Variants in SUGCT observed in about 807,000 individuals in gnomAD.
SUGCT encodes succinyl-CoA:glutarate-CoA transferase, also known as succinyl-CoA:glutarate CoA-transferase.
Under a neutral mutation model 55.0 loss-of-function variants are expected in SUGCT, and 41 were observed. The ratio of observed to expected loss-of-function variants is 0.74; its 90% CI spans 0.58 to 0.97. The LOEUF is 0.97. Ranked by LOEUF, SUGCT falls within the 50% of genes least tolerant of loss-of-function variation. The probability of loss-of-function intolerance (pLI) is 0.00; values close to 1 mark genes in which losing one functional copy is unlikely to be tolerated. For missense variants in SUGCT, 568 were observed against 547.8 expected, an observed-to-expected ratio of 1.04 and a Z score of -0.37; for synonymous variants, 187 against 200.4, an observed-to-expected ratio of 0.93 and a Z score of 0.56.
In SUGCT at chr7:40,815,176, T is replaced by G. The variant is rs545459951; in HGVS notation, c.1154-45140T>G. On this transcript the variant is annotated intron_variant, in intron 13 of 13. Transcript: ENST00000335693. ...GGTCTGAGCTCCCTCCTCAGCCCTGTGGGGTTGGGGGCCAAGATGGGCAGG... is the reference window on the plus strand; with the variant it reads ...GGTCTGAGCTCCCTCCTCAGCCCTGGGGGGTTGGGGGCCAAGATGGGCAGG... 3.2e-4 allele frequency among the ~76,000 whole-genome samples: 48 copies of G among 152,172 alleles called. 1 individual carries two copies. Among genetic ancestry groups the G allele is most frequent in the Admixed American group, 9.2e-4 (14 of 15,278 alleles).
At chr7:40,226,802 C>T (rs1294373624) in intron 6 of SUGCT, among the ~76,000 whole-genome samples, 1 of 151,854 alleles carries the variant, frequency 6.6e-6, no homozygotes, top group Non-Finnish European at 1.5e-5. Flanking sequence ...ATGAAATTTG[C>T]ATATCACTTA....
the SUGCT span, among the ~76,000 whole-genome samples, chr7:41,028,250 AC>A: frequency 6.6e-6 from 1 of 152,222 alleles, no homozygotes; most frequent in Non-Finnish European, 1.5e-5. Context: ...TGAAGTTGAG[AC>A]CCTGGATATG....
At chr7:40,636,505 T>G (rs73310225) in intron 12 of SUGCT, among the ~76,000 whole-genome samples, 11,497 of 152,228 alleles carry the variant, frequency 0.076, 477 homozygotes, top group Middle Eastern at 0.11. Context: ...AGGGAAACTC[T>G]TTGATGTAAA....
chr7:40,894,792 T>A, the SUGCT span, among the ~76,000 whole-genome samples: 57 of 152,166 alleles, frequency 3.7e-4, no homozygotes, highest in Non-Finnish European at 5.4e-4. Flanking sequence ...ATGGCTATTA[T>A]TAAAAAAGTC....
chr7:40,506,364 A>T (rs2151541323), intron 12 of SUGCT, among the ~76,000 whole-genome samples: 1 of 152,226 alleles, frequency 6.6e-6, no homozygotes, highest in South Asian at 2.1e-4. Flanking sequence ...GTAATGTGGT[A>T]ATCTTACTAG....
At chr7:40,967,786 A>G in the SUGCT span, among the ~76,000 whole-genome samples, 6 of 148,422 alleles carry the variant, frequency 4.0e-5, no homozygotes, top group Admixed American at 3.3e-4. Context: ...ACGCCCAGCT[A>G]ATTTTTTTTG....
At position 40,658,077 on chromosome 7, in the gene SUGCT, C is replaced by A. The variant is rs143535295; in HGVS notation, c.1090-91357C>A. ...CAACTTAGGTGAAAGGGAATTAAAA[C>A]AACCAAAGCCTCTAATGACAGTGAA... On this transcript the variant is annotated intron_variant, in intron 12 of 13. Coordinates refer to ENST00000335693, the MANE Select transcript of SUGCT (RefSeq NM_001193313.2). 5.3e-3 allele frequency among the ~76,000 whole-genome samples: 814 copies of A among 152,250 alleles called. 9 individuals are homozygous for A. The highest frequency in any genetic ancestry group is 0.018 in the African/African-American group (732 of 41,540).
chr7:40,911,288 G>A, the SUGCT span, among the ~76,000 whole-genome samples: 4 of 152,150 alleles, frequency 2.6e-5, no homozygotes, highest in Non-Finnish European at 5.9e-5. Context: ...TTAAGACATT[G>A]TACTTGCTGT....
intron 6 of SUGCT, chr7:40,217,637 A>C (rs1787751345): frequency 9.5e-6 from 2 of 209,896 alleles, no homozygotes; most frequent in Non-Finnish European, 2.0e-5. Context: ...TGTACTGGTA[A>C]CTCGGAATCT....
chr7:40,215,046 G>A (rs1787545914), intron 6 of SUGCT, among the ~76,000 whole-genome samples: 1 of 152,134 alleles, frequency 6.6e-6, no homozygotes, highest in African/African-American at 2.4e-5. Flanking sequence ...AGAAATAACT[G>A]AGAAAGACTC....
the SUGCT span, among the ~76,000 whole-genome samples, chr7:40,988,248 G>A: frequency 1.4e-5 from 2 of 148,082 alleles, no homozygotes; most frequent in Admixed American, 6.9e-5. Flanking sequence ...AGATGAAGAT[G>A]TTTAATTTAA....
At chr7:40,162,331 G>T (rs1364625585) in intron 1 of SUGCT, among the ~76,000 whole-genome samples, 6 of 152,172 alleles carry the variant, frequency 3.9e-5, no homozygotes, top group Admixed American at 2.0e-4. Context: ...GGATATGTTA[G>T]GAATCTGCTT....
At chr7:40,154,508 A>G (rs1467924928) in intron 1 of SUGCT, among the ~76,000 whole-genome samples, 1 of 151,936 alleles carries the variant, frequency 6.6e-6, no homozygotes, top group African/African-American at 2.4e-5. Flanking sequence ...TTTTTTTTTA[A>G]TATTATAGTT....
chr7:40,367,271 G>C (rs1214491053), intron 9 of SUGCT, among the ~76,000 whole-genome samples: 2 of 133,988 alleles, frequency 1.5e-5, no homozygotes, highest in Admixed American at 7.7e-5. Context: ...GTTGTGGGGT[G>C]GGGGGAGGGG....
At chr7:40,498,568 C>G (rs1338137125) in intron 12 of SUGCT, among the ~76,000 whole-genome samples, 1 of 152,160 alleles carries the variant, frequency 6.6e-6, no homozygotes, top group Non-Finnish European at 1.5e-5. Context: ...CCTTGGTGAT[C>G]TGAGGGAACT....
At chr7:40,395,364 C>G (rs1785665548) in intron 9 of SUGCT, among the ~76,000 whole-genome samples, 1 of 151,736 alleles carries the variant, frequency 6.6e-6, no homozygotes, top group South Asian at 2.1e-4. Context: ...TGGCTGGTGT[C>G]TGTAATTCCA....
chr7:40,536,127 A>T (rs1794349377), intron 12 of SUGCT, among the ~76,000 whole-genome samples: 1 of 152,184 alleles, frequency 6.6e-6, no homozygotes, highest in African/African-American at 2.4e-5. Flanking sequence ...GGTTCTGTTT[A>T]CACTGATGTT....
intron 8 of SUGCT, among the ~76,000 whole-genome samples, chr7:40,298,683 C>T (rs1041141976): frequency 1.3e-5 from 2 of 151,812 alleles, no homozygotes; most frequent in Non-Finnish European, 2.9e-5. Context: ...GCTTCATGTT[C>T]AGACATTCTT....
the SUGCT span, among the ~76,000 whole-genome samples, chr7:40,949,278 C>A: frequency 6.6e-6 from 1 of 152,164 alleles, no homozygotes; most frequent in African/African-American, 2.4e-5. Flanking sequence ...TGTTCATATC[C>A]TTTGCCCACT....
Sources: allele counts gnomAD v4.1 joint callset (sites outside exome capture counted in the v4.1 genomes callset), GRCh38; gene constraint gnomAD v4.1.1; transcripts MANE v1.5; gene names NCBI Gene and HGNC (gene_info 2026-07-23, HGNC 2026-07-21).